Variants in TLE2 observed in about 807,000 individuals in gnomAD.
TLE2 encodes transducin-like enhancer protein 2.
Under a neutral mutation model 97.2 loss-of-function variants are expected in TLE2, and 74 were observed. The ratio of observed to expected loss-of-function variants is 0.76; its 90% CI spans 0.63 to 0.92. The LOEUF (loss-of-function observed/expected upper bound fraction) is 0.92, where lower values mean the gene tolerates loss of function less well. TLE2 is among the 40% of genes least tolerant of loss of function. The probability of loss-of-function intolerance (pLI) is 0.00; values close to 1 mark genes in which losing one functional copy is unlikely to be tolerated. For missense variants in TLE2, 1,038 were observed against 1,008.7 expected (o/e 1.03, Z -0.39); for synonymous variants, 499 against 432.1 (o/e 1.15, Z -1.92).
At chr19:3,021,390 C>T (rs1410962568) in intron 5 of TLE2, among the ~76,000 whole-genome samples, 7 of 150,128 alleles carry the variant, frequency 4.7e-5, no homozygotes, top group East Asian at 3.9e-4. Context: ...GGTGACAGAG[C>T]GAGACTCAGT....
chr19:3,020,889 C>G (rs1270800577), intron 5 of TLE2, among the ~76,000 whole-genome samples: 2 of 151,140 alleles, frequency 1.3e-5, no homozygotes, highest in Non-Finnish European at 2.9e-5. Flanking sequence ...AGTTCAAGAC[C>G]AGCCTGGCCA....
chr19:3,002,129 A>G (rs2089376085), intron 18 of TLE2, among the ~76,000 whole-genome samples: 1 of 152,098 alleles, frequency 6.6e-6, no homozygotes, highest in Non-Finnish European at 1.5e-5. Context: ...GTCATCAGTA[A>G]TTTTTAGGAC....
chr19:3,039,063 A>T lies in TLE2; in HGVS notation c.63+6663T>A, dbSNP rs1192342582. On this transcript the variant is annotated intron_variant, in intron 1 of 18. Transcript: ENST00000426948. ...CGACTCAAAAAAAAAATAAAAATTA[A>T]AAAAAAAAAATTAGCTGGGTGTGGT... Among the ~76,000 whole-genome samples the T allele has an allele frequency of 3.9e-4, 48 of 122,142 alleles. 1 individual carries two copies. Among genetic ancestry groups the T allele is most frequent in the Non-Finnish European group, 5.5e-4 (28 of 50,966 alleles). 80.1% of individuals were successfully genotyped at this position (122,142 alleles called of 152,430 possible). A position where few individuals can be genotyped will look rare whatever the true frequency, so the allele number is the denominator to read the frequency against.
At chr19:3,045,699 C>T (rs578254476) in intron 1 of TLE2, 7 of 429,912 alleles carry the variant, frequency 1.6e-5, no homozygotes, top group South Asian at 8.1e-5. Context: ...GGTGTGGTGG[C>T]GGGCGCCTGT....
intron 19 of TLE2, among the ~76,000 whole-genome samples, chr19:2,998,890 T>A (rs2145098473): frequency 6.6e-6 from 1 of 152,326 alleles, no homozygotes; most frequent in South Asian, 2.1e-4. Context: ...AGGCAATGGC[T>A]TAGACCAGGG....
At position 3,019,688 on chromosome 19, in the gene TLE2, G is replaced by C; in HGVS notation, c.369+11C>G. 6.2e-7 allele frequency: 1 copy of C among 1,605,042 alleles called. No homozygotes were observed. Among genetic ancestry groups the C allele is most frequent in the Non-Finnish European group, 8.5e-7 (1 of 1,176,100 alleles). ...TCTCCCCATGGCGGGGCAGGGGCTA[G>C]AGAGACTCACCCCGATGAGGCTGTT... On this transcript the variant is annotated intron_variant, in intron 6 of 19. Transcript: ENST00000262953. The surrounding 1 kb of genome is among the most constrained non-coding windows in gnomAD (Gnocchi z 5.1).
In TLE2 at chr19:2,997,969, G is replaced by A. The variant is rs1306529198; in HGVS notation, c.2125-14C>T. The A allele has an allele frequency of 1.3e-6, 2 of 1,596,314 alleles. No homozygotes were observed. The highest frequency in any genetic ancestry group is 2.2e-5 in the East Asian group (1 of 44,612). On this transcript the variant is annotated splice_polypyrimidine_tract_variant and intron_variant, in intron 19 of 19. Transcript: ENST00000262953. Reference sequence around the variant, plus strand: ...CGACTCCTTGGACTGCCAAGGGAAGGGAGAGAGAAAAGGGCACAGTGAGGC... The same window carrying A: ...CGACTCCTTGGACTGCCAAGGGAAGAGAGAGAGAAAAGGGCACAGTGAGGC...
intron 19 of TLE2, among the ~76,000 whole-genome samples, chr19:2,999,852 G>A (rs1391175964): frequency 6.7e-6 from 1 of 150,104 alleles, no homozygotes; most frequent in East Asian, 2.0e-4. Context: ...AGACAACATG[G>A]TGAAACCCCC....
At chr19:2,998,848 G>C (rs1281888160) in intron 19 of TLE2, among the ~76,000 whole-genome samples, 1 of 152,216 alleles carries the variant, frequency 6.6e-6, no homozygotes, top group Admixed American at 6.5e-5. Context: ...GTGTGCACCA[G>C]GCATGATGTC....
At chr19:3,041,011 A>ATATATATATAT (rs2090097833) in intron 1 of TLE2, among the ~76,000 whole-genome samples, 3 of 33,580 alleles carry the variant, frequency 8.9e-5, no homozygotes, top group African/African-American at 1.8e-4. Context: ...ATATATATAT[A>ATATATATATAT]TATTTTTTTT....
rs1479694683 is a variant in TLE2 at position 3,006,586 on chromosome 19, G to A, written c.1334C>T (p.Pro445Leu). 6.2e-6 allele frequency: 10 copies of A among 1,606,716 alleles called. No homozygotes were observed. The highest frequency in any genetic ancestry group is 8.5e-6 in the Non-Finnish European group (10 of 1,177,432). ...PSDALVGAGI[P>L]RHARQLHTLA... ...CGTGTGCAGCTGCCGGGCGTGCCGC[G>A]GGATGCCCGCGCCTACCAGTGCATC... Residue 445 changes from proline (P) to leucine (L), a missense_variant, in exon 15 of 20, where the codon CCG becomes CTG. Transcript: ENST00000262953.
rs749367338 is a variant in TLE2, at chr19:3,025,079, C to G, written c.235G>C (p.Glu79Gln). The G allele has an allele frequency of 4.4e-6, 7 of 1,603,774 alleles. No homozygotes were observed. In the Admixed American group the frequency reaches 1.2e-4, roughly 27 times the overall value. ...ATACCGCTCAGACGCTTCACAATCTCCGCCTGGCAGGAAGCAATGAGAGGA... is the reference window on the plus strand; with the variant it reads ...ATACCGCTCAGACGCTTCACAATCTGCGCCTGGCAGGAAGCAATGAGAGGA... ...GLNIEMHKQA[E>Q]IVKRLSGICA... is the part of the protein sequence containing the mutation. The change falls in exon 5 of 20, where the codon GAG becomes CAG. Residue 79 changes from glutamate (E) to glutamine (Q), a missense_variant. Transcript: ENST00000262953.
At position 3,025,044 on chromosome 19, in the gene TLE2, C is replaced by A; in HGVS notation, c.270G>T (p.Gln90His). The change falls in exon 5 of 20, where the codon CAG becomes CAT. Residue 90 changes from glutamine (Q) to histidine (H), a missense_variant. Coordinates refer to ENST00000262953, the MANE Select transcript of TLE2 (RefSeq NM_003260.5). ...CCTCCTGGGTCAGGAAGGGGATAAT[C>A]TGAGCGCAGATACCGCTCAGACGCT... ...IVKRLSGICA[Q>H]IIPFLTQEHQ... 4 of 1,569,604 alleles carry A rather than the reference C, an allele frequency of 2.5e-6. No homozygotes were observed. The highest frequency in any genetic ancestry group is 3.5e-6 in the Non-Finnish European group (4 of 1,154,618).
chr19:3,008,487 AT>A (rs1274831000), intron 14 of TLE2, among the ~76,000 whole-genome samples: 5 of 143,558 alleles, frequency 3.5e-5, no homozygotes, highest in African/African-American at 1.3e-4. Flanking sequence ...GTCTCGCTCT[AT>A]TGCCCAGGCT....
At chr19:3,001,608 C>G (rs907627756) in intron 18 of TLE2, among the ~76,000 whole-genome samples, 1 of 151,970 alleles carries the variant, frequency 6.6e-6, no homozygotes, top group Non-Finnish European at 1.5e-5. Flanking sequence ...GCCTCAGCCT[C>G]CCTCGTACCT....
In TLE2 at chr19:3,011,033, G is replaced by A. The variant is rs752674140; in HGVS notation, c.1001C>T (p.Thr334Met). The A allele has an allele frequency of 1.1e-5, 17 of 1,606,332 alleles. No homozygotes were observed. The highest frequency in any genetic ancestry group is 6.7e-5 in the East Asian group (3 of 44,690). The change falls in exon 12 of 20, where the codon ACG becomes ATG. Residue 334 changes from threonine (T) to methionine (M), a missense_variant. Thr to Met is a moderately conservative substitution (Grantham distance 81). Transcript: ENST00000262953. ...CQLAAKPAPSTDSVALRSPLT... is the reference protein window; with the variant it reads ...CQLAAKPAPSMDSVALRSPLT... ...GGCAAGGTGCTCACCGACGCTGTCC[G>A]TGGAAGGTGCTGGCTTGGCAGCAAG...
At chr19:3,013,564 G>A (rs577180367) in intron 11 of TLE2, 105 bp downstream of exon 11, 7 of 1,118,796 alleles carry the variant, frequency 6.3e-6, no homozygotes, top group Admixed American at 4.1e-5. Context: ...ATGCCAGCCC[G>A]GCTGGCTGAT....
At chr19:3,014,730 T>C in intron 9 of TLE2, 116 bp from the exon 10 acceptor site, 2 of 975,898 alleles carry the variant, frequency 2.0e-6, no homozygotes, top group Admixed American at 3.3e-5. Flanking sequence ...ATGACTGGGA[T>C]TCTCAGACCA....
rs1333448386 is a variant in TLE2 at position 3,027,811 on chromosome 19, T to C, written c.231+18A>G. On this transcript the variant is annotated intron_variant, in intron 4 of 19. Coordinates refer to ENST00000262953, the MANE Select transcript of TLE2 (RefSeq NM_003260.5). The stretch of plus-strand genomic sequence containing the variant: ...CCCCACCCTCCCTCCTGAACACGCG[T>C]AACCCCAACCCAGTTACCTGCTTAT... 6.2e-7 allele frequency: 1 copy of C among 1,609,774 alleles called. No individual in the cohort carries two copies. The highest frequency in any genetic ancestry group is 1.3e-5 in the African/African-American group (1 of 74,954).
Sources: gnomAD v4.1 joint callset for allele counts (sites outside exome capture counted in the v4.1 genomes callset) on GRCh38, gnomAD v4.1.1 for gene constraint, Gnocchi (gnomAD v3.1) non-coding constraint, MANE v1.5 for transcripts, NCBI Gene and HGNC (gene_info 2026-07-23, HGNC 2026-07-21) for gene names.